TUBA4B: variants seen among roughly 807,000 people sequenced by gnomAD.
The protein encoded by TUBA4B is tubulin alpha 4b.
Under a neutral mutation model 18.4 loss-of-function variants are expected in TUBA4B, and 13 were observed. That is an observed-to-expected ratio of 0.71 (90% CI 0.46 to 1.12). The LOEUF is 1.12. Among genes scored for constraint, TUBA4B ranks in the 50% most tolerant of loss-of-function variants. The probability of loss-of-function intolerance (pLI) is 0.00; values close to 1 mark genes in which losing one functional copy is unlikely to be tolerated. For missense variants in TUBA4B, 244 were observed against 250.0 expected (o/e 0.98, Z 0.16); for synonymous variants, 101 against 99.1 (o/e 1.02, Z -0.11).
intron 1 of TUBA4B, among the ~76,000 whole-genome samples, chr2:219,262,491 C>T (rs1951765643): frequency 6.6e-6 from 1 of 152,100 alleles, no homozygotes; most frequent in Admixed American, 6.6e-5. Flanking sequence ...TCTGTCTTCC[C>T]CATGAAAATG....
chr2:219,261,183 C>T (rs1951757715), intron 1 of TUBA4B, among the ~76,000 whole-genome samples: 1 of 152,158 alleles, frequency 6.6e-6, no homozygotes, highest in Non-Finnish European at 1.5e-5. Context: ...GTCATGTCAC[C>T]AATAACTCCA....
Position 219,253,343 on chromosome 2 carries a change from G to T in TUBA4B, c.-65G>T, listed in dbSNP as rs1458897385. On this transcript the variant is annotated 5_prime_UTR_variant, in exon 1 of 4. Transcript: ENST00000490341. The stretch of plus-strand genomic sequence containing the variant: ...CCAACCCTCTCAGCTCAGACGCGGG[G>T]TGCTGAGTCACGGGGGGGGGGTGGT... 1.3e-6 allele frequency: 2 copies of T among 1,533,304 alleles called. No individual in the cohort carries two copies. The highest frequency in any genetic ancestry group is 1.4e-5 in the African/African-American group (1 of 72,126). 95.0% of individuals were successfully genotyped at this position (1,533,304 alleles called of 1,614,324 possible).
At position 219,271,714 on chromosome 2, in the gene TUBA4B, C is replaced by G; in HGVS notation, c.*15C>G. On this transcript the variant is annotated 3_prime_UTR_variant, in exon 4 of 4. Coordinates refer to ENST00000490341, the MANE Select transcript of TUBA4B (RefSeq NM_001355221.1). ...CCAGATGGTGAAGTGTGATCCCCGGCACGGCAAGTACATGGCCTGCTGCCT... is the reference window on the plus strand; with the variant it reads ...CCAGATGGTGAAGTGTGATCCCCGGGACGGCAAGTACATGGCCTGCTGCCT... 6.2e-7 allele frequency: 1 copy of G among 1,612,660 alleles called. No homozygotes were observed. Among genetic ancestry groups the G allele is most frequent in the Non-Finnish European group, 8.5e-7 (1 of 1,178,590 alleles).
intron 1 of TUBA4B, chr2:219,254,707 T>C (rs1355130692): frequency 6.6e-6 from 1 of 152,326 alleles, no homozygotes; most frequent in Non-Finnish European, 1.5e-5. Context: ...ACCTGGATTC[T>C]CCTCCAGGCT....
intron 1 of TUBA4B, among the ~76,000 whole-genome samples, chr2:219,255,519 C>T (rs953220362): frequency 3.3e-5 from 5 of 152,072 alleles, no homozygotes; most frequent in African/African-American, 1.2e-4. Context: ...AGGTGTGAGC[C>T]CCCACACCCG....
In TUBA4B at chr2:219,271,670, C is replaced by A; in HGVS notation, c.697C>A (p.Pro233Thr). Residue 233 changes from proline to threonine, a missense_variant, in exon 4 of 4, where the codon CCT (proline) becomes ACT (threonine). Coordinates refer to ENST00000490341, the MANE Select transcript of TUBA4B (RefSeq NM_001355221.1). ...SSCWWQRLPM[P>T]ALSLPTRW is the part of the protein sequence containing the mutation. Reference sequence around the variant, plus strand: ...CTGTTGGTGGCAGAGATTACCAATGCCTGCTTTGAGCCTGCCAACCAGATG... The same window carrying A: ...CTGTTGGTGGCAGAGATTACCAATGACTGCTTTGAGCCTGCCAACCAGATG... 6.2e-7 allele frequency: 1 copy of A among 1,613,658 alleles called. No homozygotes were observed. Among genetic ancestry groups the A allele is most frequent in the Non-Finnish European group, 8.5e-7 (1 of 1,179,540 alleles).
intron 1 of TUBA4B, chr2:219,253,788 G>A: frequency 6.5e-7 from 1 of 1,526,952 alleles, no homozygotes; most frequent in Non-Finnish European, 8.8e-7. Context: ...AGCATGCCTG[G>A]AAGAAGTGTC....
At chr2:219,266,630 T>C in intron 2 of TUBA4B, 64 bp downstream of exon 2, 1 of 699,666 alleles carries the variant, frequency 1.4e-6, no homozygotes, top group South Asian at 1.5e-5. Context: ...GCCCAAGATA[T>C]CTGGCGTGAA....
intron 2 of TUBA4B, among the ~76,000 whole-genome samples, chr2:219,268,105 CTT>C (rs544596055): frequency 0.038 from 4,446 of 118,498 alleles, 99 homozygotes; most frequent in East Asian, 0.1. Flanking sequence ...AACTCATTAT[CTT>C]TTTTTTTTTT....
intron 1 of TUBA4B, among the ~76,000 whole-genome samples, chr2:219,261,842 C>A (rs967866829): frequency 6.6e-6 from 1 of 152,254 alleles, no homozygotes; most frequent in Non-Finnish European, 1.5e-5. Context: ...CCTTCCAAGG[C>A]CCCTCCACCT....
At chr2:219,270,760 T>A (rs1951820189) in intron 3 of TUBA4B, among the ~76,000 whole-genome samples, 1 of 146,114 alleles carries the variant, frequency 6.8e-6, no homozygotes, top group Non-Finnish European at 1.5e-5. Context: ...GTTCCTGGAT[T>A]GTTGTTCTTA....
intron 2 of TUBA4B, among the ~76,000 whole-genome samples, chr2:219,266,893 G>A (rs987596352): frequency 7.2e-5 from 11 of 152,142 alleles, no homozygotes; most frequent in African/African-American, 2.4e-4. Flanking sequence ...AAGTGTAGGC[G>A]ATTTCCTCTG....
rs1559282551 is a variant in TUBA4B at position 219,271,273 on chromosome 2, T to C, written c.300T>C (p.Tyr100=). 2 of 1,485,994 alleles carry C rather than the reference T, an allele frequency of 1.3e-6. No homozygotes were observed. Among genetic ancestry groups the C allele is most frequent in the Non-Finnish European group, 1.9e-6 (2 of 1,063,566 alleles). The allele number at this position is 1,485,994 out of a possible 1,614,324, so 92.1% of individuals were successfully genotyped here. A position where few individuals can be genotyped will look rare whatever the true frequency, so the allele number is the denominator to read the frequency against. The change falls in exon 4 of 4, where the codon TAT becomes TAC. Residue 100 remains tyrosine (Y), a synonymous_variant. Coordinates refer to ENST00000490341, the MANE Select transcript of TUBA4B (RefSeq NM_001355221.1). ...TGATGGAGTGGCTTTCTGTTAACTA[T>C]GGCAAGAAATCCAAGCTGGGATTCT... ...SFLMEWLSVN[Y]GKKSKLGFSI...
chr2:219,259,530 A>T (rs1951747544), intron 1 of TUBA4B, among the ~76,000 whole-genome samples: 1 of 152,152 alleles, frequency 6.6e-6, no homozygotes, highest in African/African-American at 2.4e-5. Context: ...AGACATGTAC[A>T]GAATCTAGAA....
chr2:219,265,217 G>A (rs1458369467), intron 1 of TUBA4B, among the ~76,000 whole-genome samples: 2 of 152,240 alleles, frequency 1.3e-5, no homozygotes, highest in African/African-American at 4.8e-5. Flanking sequence ...TAATCCCCAT[G>A]TGACCTCAGG....
At chr2:219,268,105 CTTTTT>C (rs544596055) in intron 2 of TUBA4B, among the ~76,000 whole-genome samples, 1 of 118,722 alleles carries the variant, frequency 8.4e-6, no homozygotes, top group Non-Finnish European at 1.7e-5. Context: ...AACTCATTAT[CTTTTT>C]TTTTTTTTTT....
chr2:219,253,455 C>G (rs1240262136), intron 1 of TUBA4B, 36 bp downstream of exon 1: 24 of 1,454,674 alleles, frequency 1.6e-5, no homozygotes, highest in Admixed American at 5.9e-5. Context: ...GCGCCAAGCA[C>G]GTGCTCGGTC....
chr2:219,258,378 T>G (rs1951736907), intron 1 of TUBA4B, among the ~76,000 whole-genome samples: 1 of 152,136 alleles, frequency 6.6e-6, no homozygotes, highest in Non-Finnish European at 1.5e-5. Context: ...TGGAGTGCAG[T>G]GACGCAATCT....
intron 1 of TUBA4B, among the ~76,000 whole-genome samples, chr2:219,263,594 G>C (rs1028293615): frequency 2.0e-5 from 3 of 152,234 alleles, no homozygotes; most frequent in African/African-American, 7.2e-5. Flanking sequence ...CTACACAAGA[G>C]AGTTTTGAGC....
Sources: gnomAD v4.1 joint callset for allele counts (sites outside exome capture counted in the v4.1 genomes callset) on GRCh38, gnomAD v4.1.1 for gene constraint, MANE v1.5 for transcripts, NCBI Gene and HGNC (gene_info 2026-07-23, HGNC 2026-07-21) for gene names.